SLC25A21: variants seen among roughly 807,000 people sequenced by gnomAD.
SLC25A21 encodes mitochondrial 2-oxodicarboxylate carrier.
In SLC25A21, 47 loss-of-function variants were observed where a neutral mutation model predicts 43.8. That is an observed-to-expected ratio of 1.07 (90% confidence interval 0.85 to 1.37). The LOEUF (loss-of-function observed/expected upper bound fraction) is 1.37, where lower values mean the gene tolerates loss of function less well. Among genes scored for constraint, SLC25A21 ranks in the 40% most tolerant of loss-of-function variants. The pLI is 0.00. For missense variants in SLC25A21, 352 were observed against 350.2 expected (o/e 1.00, Z -0.04); for synonymous variants, 131 against 121.3 (o/e 1.08, Z -0.52).
At chr14:37,097,423 G>A (rs1413848083) in intron 1 of SLC25A21, among the ~76,000 whole-genome samples, 1 of 152,048 alleles carries the variant, frequency 6.6e-6, no homozygotes, top group Non-Finnish European at 1.5e-5. Flanking sequence ...TGCGTTAAGG[G>A]TTGTTCAAAA....
chr14:37,134,392 G>C (rs921873621), intron 1 of SLC25A21, among the ~76,000 whole-genome samples: 5 of 152,074 alleles, frequency 3.3e-5, no homozygotes, highest in Non-Finnish European at 7.4e-5. Flanking sequence ...GTCCTCAATG[G>C]CAGAGTTATT....
chr14:36,679,499 C>A lies in SLC25A21; in HGVS notation c.*1159G>T, dbSNP rs1017472194. 2.0e-6 allele frequency: 2 copies of A among 985,280 alleles called. No homozygotes were observed. Among genetic ancestry groups the A allele is most frequent in the Admixed American group, 1.2e-4 (2 of 16,258 alleles). The allele number at this position is 985,280 out of a possible 1,614,324, so 61.0% of individuals were successfully genotyped here. ...CTTGTTGACTTTACTGAATCAGCAT[C>A]ATCTCTGGATGCAGATATAAAATCA... On this transcript the variant is annotated 3_prime_UTR_variant, in exon 10 of 10. Transcript: ENST00000331299.
chr14:36,780,940 T>A (rs1460398938), intron 3 of SLC25A21, among the ~76,000 whole-genome samples: 1 of 152,150 alleles, frequency 6.6e-6, no homozygotes, highest in African/African-American at 2.4e-5. Context: ...CCCCTATGAT[T>A]ATTGTATTGC....
intron 3 of SLC25A21, among the ~76,000 whole-genome samples, chr14:36,800,886 G>C (rs1887846893): frequency 6.6e-6 from 1 of 152,084 alleles, no homozygotes; most frequent in African/African-American, 2.4e-5. Flanking sequence ...TTTTTATTGA[G>C]TAGAGGACAC....
rs1201386691 is a variant in SLC25A21, at chr14:37,098,746, TAGACAGACAGACAGACAGAC to T, written c.70+73515_70+73534del. 9.8e-3 allele frequency among the ~76,000 whole-genome samples: 308 copies of T among 31,336 alleles called. 4 individuals are homozygous for T. Among genetic ancestry groups the T allele is most frequent in the Admixed American group, 0.022 (83 of 3,798 alleles). The allele number at this position is 31,336 out of a possible 152,430, so 20.6% of individuals were successfully genotyped here. On this transcript the variant is annotated intron_variant, in intron 1 of 9. Transcript: ENST00000331299. ...ATAGATAGATAGATAGATAGATAGA[TAGACAGACAGACAGACAGAC>T]AGACAGACAGACAGACAGACAGATA...
At chr14:36,872,449 T>C (rs11621643) in intron 2 of SLC25A21, among the ~76,000 whole-genome samples, 66,938 of 152,012 alleles carry the variant, frequency 0.44, 16,108 homozygotes, top group Non-Finnish European at 0.52. Context: ...TATAATGTGA[T>C]GGTGAAGAGG....
At chr14:37,148,164 T>C (rs1491003700) in intron 1 of SLC25A21, among the ~76,000 whole-genome samples, 1 of 152,162 alleles carries the variant, frequency 6.6e-6, no homozygotes, top group African/African-American at 2.4e-5. Flanking sequence ...ATTTTGCTTA[T>C]ATGTTTTTCC....
chr14:36,769,208 G>C (rs952493124), intron 3 of SLC25A21, among the ~76,000 whole-genome samples: 1 of 152,266 alleles, frequency 6.6e-6, no homozygotes, highest in East Asian at 1.9e-4. Flanking sequence ...CTCAGATAAT[G>C]CAATTCAAGT....
intron 1 of SLC25A21, among the ~76,000 whole-genome samples, chr14:37,059,016 T>C (rs749056701): frequency 8.5e-5 from 13 of 152,222 alleles, no homozygotes; most frequent in Non-Finnish European, 1.3e-4. Context: ...CTGGCTACTA[T>C]TCTAACTTAA....
chr14:36,780,594 T>C (rs1253313044), intron 3 of SLC25A21, among the ~76,000 whole-genome samples: 1 of 152,082 alleles, frequency 6.6e-6, no homozygotes, highest in East Asian at 1.9e-4. Flanking sequence ...TCATTGGTTG[T>C]TCAGGACTGT....
chr14:37,069,360 T>C (rs2096332317), intron 1 of SLC25A21, among the ~76,000 whole-genome samples: 2 of 152,210 alleles, frequency 1.3e-5, no homozygotes, highest in Admixed American at 1.3e-4. Context: ...TTATAGAGTA[T>C]CTGTGGCAAC....
chr14:36,714,016 A>AC (rs1355519934), intron 6 of SLC25A21, among the ~76,000 whole-genome samples: 3 of 152,136 alleles, frequency 2.0e-5, no homozygotes, highest in African/African-American at 7.2e-5. Context: ...ATCTCAAAAC[A>AC]AAAAAAGAAA....
intron 2 of SLC25A21, among the ~76,000 whole-genome samples, chr14:36,838,220 G>A (rs568593515): frequency 2.0e-5 from 3 of 152,204 alleles, no homozygotes; most frequent in East Asian, 1.9e-4. Context: ...GAGGATACGG[G>A]CTTGCTGATA....
intron 2 of SLC25A21, among the ~76,000 whole-genome samples, chr14:36,826,579 T>C (rs1888840022): frequency 6.6e-6 from 1 of 152,208 alleles, no homozygotes; most frequent in Non-Finnish European, 1.5e-5. Flanking sequence ...CTAGCTTGAT[T>C]ATGGCTCTTC....
chr14:36,932,522 T>G (rs371700074), intron 1 of SLC25A21, among the ~76,000 whole-genome samples: 1 of 152,178 alleles, frequency 6.6e-6, no homozygotes, highest in Non-Finnish European at 1.5e-5. Flanking sequence ...GAGTGCCTAC[T>G]ATGTGCTGGG....
intron 1 of SLC25A21, among the ~76,000 whole-genome samples, chr14:37,034,233 G>C (rs1961279748): frequency 6.6e-6 from 1 of 152,092 alleles, no homozygotes; most frequent in African/African-American, 2.4e-5. Flanking sequence ...GGCCAGGCTT[G>C]TCTCGAATTC....
chr14:36,761,659 G>T (rs1322541328), intron 3 of SLC25A21, among the ~76,000 whole-genome samples: 3 of 152,156 alleles, frequency 2.0e-5, no homozygotes, highest in African/African-American at 4.8e-5. Flanking sequence ...GGATATATTT[G>T]CATATAAGTA....
At chr14:37,168,726 G>T (rs975028564) in intron 1 of SLC25A21, among the ~76,000 whole-genome samples, 1 of 152,028 alleles carries the variant, frequency 6.6e-6, no homozygotes, top group Non-Finnish European at 1.5e-5. Flanking sequence ...ACAGACTAAA[G>T]AACAACAACA....
At chr14:36,791,258 AC>A (rs1262455105) in intron 3 of SLC25A21, among the ~76,000 whole-genome samples, 1 of 152,208 alleles carries the variant, frequency 6.6e-6, no homozygotes, top group Non-Finnish European at 1.5e-5. Flanking sequence ...TATTACTTTA[AC>A]TTAAAACCAC....
Sources: gnomAD v4.1 joint callset for allele counts (sites outside exome capture counted in the v4.1 genomes callset) on GRCh38, gnomAD v4.1.1 for gene constraint, MANE v1.5 for transcripts, NCBI Gene and HGNC (gene_info 2026-07-23, HGNC 2026-07-21) for gene names.